The following MEI4 variants were observed in gnomAD, a reference collection of about 807,000 sequenced individuals.
The protein encoded by MEI4 is meiotic double-stranded break formation protein 4, also known as meiosis-specific protein MEI4.
Under a neutral mutation model 31.4 loss-of-function variants are expected in MEI4, and 27 were observed. That is an observed-to-expected ratio of 0.86 (90% CI 0.63 to 1.19). The LOEUF (loss-of-function observed/expected upper bound fraction) is 1.19, where lower values mean the gene tolerates loss of function less well. Ranked by LOEUF, MEI4 falls within the 50% of genes most tolerant of loss-of-function variation. The pLI is 0.00. For missense variants in MEI4, 329 were observed against 398.9 expected (o/e 0.82, Z 1.49); for synonymous variants, 122 against 145.4 (o/e 0.84, Z 1.16).
chr6:77,744,913 A>T (rs982193248), intron 2 of MEI4, among the ~76,000 whole-genome samples: 5 of 152,218 alleles, frequency 3.3e-5, no homozygotes, highest in Admixed American at 2.0e-4. Context: ...ACAGAGAAGC[A>T]AATGCTAAGA....
intron 2 of MEI4, among the ~76,000 whole-genome samples, chr6:77,736,919 A>G (rs775320481): frequency 3.3e-5 from 5 of 151,262 alleles, no homozygotes; most frequent in African/African-American, 7.4e-5. Flanking sequence ...TTAGAGAGCT[A>G]TGGGTACTAG....
intron 2 of MEI4, among the ~76,000 whole-genome samples, chr6:77,691,381 A>G (rs768062425): frequency 6.6e-6 from 1 of 152,002 alleles, no homozygotes. Flanking sequence ...ACATACTATA[A>G]TAGAGACTGA....
intron 3 of MEI4, among the ~76,000 whole-genome samples, chr6:77,781,037 G>T (rs1768583530): frequency 6.6e-6 from 1 of 151,960 alleles, no homozygotes; most frequent in Admixed American, 6.6e-5. Context: ...CATGCCCACA[G>T]AACCATGCTC....
At chr6:77,701,041 G>A (rs1766210660) in intron 2 of MEI4, among the ~76,000 whole-genome samples, 1 of 152,208 alleles carries the variant, frequency 6.6e-6, no homozygotes, top group Non-Finnish European at 1.5e-5. Flanking sequence ...TGTGTGGCAG[G>A]TATGGTTAAT....
intron 2 of MEI4, among the ~76,000 whole-genome samples, chr6:77,731,958 G>T (rs1162084175): frequency 2.7e-5 from 4 of 148,174 alleles, no homozygotes; most frequent in East Asian, 2.0e-4. Flanking sequence ...CATTATTTCT[G>T]AGGGCTCTGT....
intron 4 of MEI4, among the ~76,000 whole-genome samples, chr6:77,855,072 C>T (rs1240076948): frequency 2.0e-5 from 3 of 152,044 alleles, no homozygotes; most frequent in Admixed American, 1.3e-4. Flanking sequence ...GGTGTGGTGG[C>T]TCATACTTGT....
chr6:77,880,005 A>G (rs978801985), intron 4 of MEI4, among the ~76,000 whole-genome samples: 1 of 152,196 alleles, frequency 6.6e-6, no homozygotes, highest in African/African-American at 2.4e-5. Flanking sequence ...TTTATTATTG[A>G]TGAAAAACAG....
intron 1 of MEI4, among the ~76,000 whole-genome samples, chr6:77,665,346 C>T (rs1022047906): frequency 2.6e-5 from 4 of 151,864 alleles, no homozygotes; most frequent in African/African-American, 9.7e-5. Context: ...GGGTACTTGC[C>T]CCTCCCCCAG....
intron 2 of MEI4, among the ~76,000 whole-genome samples, chr6:77,712,560 C>A (rs1274836495): frequency 6.6e-6 from 1 of 152,124 alleles, no homozygotes; most frequent in Non-Finnish European, 1.5e-5. Context: ...CTTAGAATGC[C>A]ATGCTTAATA....
chr6:77,713,142 C>A (rs551963334), intron 2 of MEI4, among the ~76,000 whole-genome samples: 1 of 152,176 alleles, frequency 6.6e-6, no homozygotes, highest in East Asian at 1.9e-4. Flanking sequence ...TAGCTAACTT[C>A]TTTGGAGCAA....
intron 4 of MEI4, among the ~76,000 whole-genome samples, chr6:77,831,344 A>C (rs1032356211): frequency 6.6e-6 from 1 of 151,840 alleles, no homozygotes; most frequent in Non-Finnish European, 1.5e-5. Context: ...CAGTGTGGAC[A>C]TTCCTCAAAA....
intron 4 of MEI4, among the ~76,000 whole-genome samples, chr6:77,836,917 G>A (rs1045711629): frequency 6.6e-6 from 1 of 151,990 alleles, no homozygotes; most frequent in Non-Finnish European, 1.5e-5. Context: ...ATCTTGTTTT[G>A]TTTAACAAGA....
At chr6:77,650,558 C>A (rs533905588), upstream of MEI4, among the ~76,000 whole-genome samples, 6 of 152,320 alleles carry the variant, frequency 3.9e-5, no homozygotes, top group East Asian at 5.8e-4. Context: ...CGCCCTCCCC[C>A]GCTACAGGAA....
At position 77,917,366 on chromosome 6, in the gene MEI4, T is replaced by A. The variant is rs1327925243; in HGVS notation, c.901-5723T>A. Among the ~76,000 whole-genome samples, 33 of 150,768 alleles carry A rather than the reference T, an allele frequency of 2.2e-4. 1 individual carries two copies. In the Middle Eastern group the frequency reaches 0.014, roughly 62 times the overall value. ...GCCACACTGACTTCCACAATGGTTG[T>A]ACTAGTTTACAGTCCCACCAACAGT... On this transcript the variant is annotated intron_variant, in intron 4 of 4. Transcript: ENST00000684080.
chr6:77,736,494 T>C (rs937605594), intron 2 of MEI4, among the ~76,000 whole-genome samples: 11 of 152,030 alleles, frequency 7.2e-5, no homozygotes, highest in African/African-American at 2.7e-4. Flanking sequence ...TGCTTCGGCT[T>C]GCGAACGGTG....
At chr6:77,775,648 C>A (rs1768420299) in intron 3 of MEI4, among the ~76,000 whole-genome samples, 1 of 152,086 alleles carries the variant, frequency 6.6e-6, no homozygotes, top group South Asian at 2.1e-4. Flanking sequence ...TATAAACATG[C>A]ATGTGTAAGT....
chr6:77,761,763 A>T (rs1024116306), intron 3 of MEI4, 98 bp downstream of exon 3: 11 of 818,520 alleles, frequency 1.3e-5, no homozygotes, highest in Non-Finnish European at 1.8e-5. Flanking sequence ...CTTGTGGCTC[A>T]AGGAATCCCT....
Position 77,719,376 on chromosome 6 carries a change from G to A in MEI4, c.232+28473G>A, listed in dbSNP as rs943787291. ...CTGAGTGACATCCCGCTTACCATGT[G>A]ATAAGTGAATCTACAGATGGGACTG... On this transcript the variant is annotated intron_variant, in intron 2 of 4. Coordinates refer to ENST00000684080, the MANE Select transcript of MEI4 (RefSeq NM_001322247.2). Among the ~76,000 whole-genome samples, 6 of 133,182 alleles carry A rather than the reference G, an allele frequency of 4.5e-5. 2 individuals carry two copies. Among genetic ancestry groups the A allele is most frequent in the Non-Finnish European group, 8.0e-5 (5 of 62,310 alleles). 87.4% of individuals were successfully genotyped at this position (133,182 alleles called of 152,430 possible). A position where few individuals can be genotyped will look rare whatever the true frequency, so the allele number is the denominator to read the frequency against.
At chr6:77,684,354 CT>C (rs1213241295) in intron 1 of MEI4, among the ~76,000 whole-genome samples, 1 of 152,090 alleles carries the variant, frequency 6.6e-6, no homozygotes, top group Non-Finnish European at 1.5e-5. Context: ...AATGCAGTTT[CT>C]GTCCCCTCAA....
Sources: allele counts gnomAD v4.1 joint callset (sites outside exome capture counted in the v4.1 genomes callset), GRCh38; gene constraint gnomAD v4.1.1; transcripts MANE v1.5; gene names NCBI Gene and HGNC (gene_info 2026-07-23, HGNC 2026-07-21).